The following HDAC9 variants were observed in gnomAD, a reference collection of about 807,000 sequenced individuals.
The protein encoded by HDAC9 is MEF-2 interacting transcription repressor (MITR) protein.
A neutral mutation model predicts 139.4 loss-of-function variants in HDAC9; 41 were observed. The ratio of observed to expected loss-of-function variants is 0.29; its 90% CI spans 0.23 to 0.38. HDAC9 has a LOEUF of 0.38. HDAC9 is among the 10% of genes least tolerant of loss of function. The pLI, the probability that HDAC9 is intolerant of heterozygous loss-of-function variation, is 1.00. For synonymous variants in HDAC9, 517 were observed against 476.2 expected, an observed-to-expected ratio of 1.09 and a Z score of -1.12; for missense variants, 1,147 against 1,297.0, an observed-to-expected ratio of 0.88 and a Z score of 1.78.
intron 1 of HDAC9, among the ~76,000 whole-genome samples, chr7:18,422,682 G>A (rs984091871): frequency 6.6e-6 from 1 of 151,766 alleles, no homozygotes; most frequent in Non-Finnish European, 1.5e-5. Flanking sequence ...TTTGGACTTG[G>A]AGAGAAAAAG....
intron 16 of HDAC9, among the ~76,000 whole-genome samples, chr7:18,786,477 C>CCTTT (rs1791742156): frequency 1.3e-5 from 1 of 76,488 alleles, no homozygotes; most frequent in African/African-American, 4.0e-5. Flanking sequence ...TTTCGTCCTT[C>CCTTT]CTTCCTTTCT....
At chr7:18,760,139 T>G (rs977157670) in intron 14 of HDAC9, among the ~76,000 whole-genome samples, 1 of 152,130 alleles carries the variant, frequency 6.6e-6, no homozygotes, top group African/African-American at 2.4e-5. Flanking sequence ...AAGGAGGAGC[T>G]CGAAGCCCTC....
intron 1 of HDAC9, among the ~76,000 whole-genome samples, chr7:18,382,552 C>T (rs984143816): frequency 1.6e-4 from 25 of 152,296 alleles, no homozygotes; most frequent in Admixed American, 4.6e-4. Flanking sequence ...GCAAGGCCTG[C>T]GCCCATGGAG....
intron 2 of HDAC9, among the ~76,000 whole-genome samples, chr7:18,173,119 A>G (rs1788581152): frequency 2.0e-5 from 3 of 152,154 alleles, no homozygotes; most frequent in Non-Finnish European, 1.5e-5. Flanking sequence ...GACTTGCTTT[A>G]TGAATCTGGG....
intron 2 of HDAC9, among the ~76,000 whole-genome samples, chr7:18,258,830 G>A (rs914690713): frequency 3.3e-5 from 5 of 151,814 alleles, no homozygotes; most frequent in African/African-American, 1.2e-4. Flanking sequence ...CAGTATTTTA[G>A]ACAATGTAAT....
rs189987546 is a variant in HDAC9 at position 18,550,095 on chromosome 7, T to C, written c.23-35186T>C. 3.5e-3 allele frequency among the ~76,000 whole-genome samples: 529 copies of C among 152,298 alleles called. 8 individuals carry two copies. The highest frequency in any genetic ancestry group is 0.014 in the Middle Eastern group (4 of 294). On this transcript the variant is annotated intron_variant, in intron 2 of 25. Transcript: ENST00000686413. Reference sequence around the variant, plus strand: ...TGTCATTATAATTTGGATATATAACTTCTTTGAGAAGTGCAGATCATTTCA... The same window carrying C: ...TGTCATTATAATTTGGATATATAACCTCTTTGAGAAGTGCAGATCATTTCA...
chr7:18,820,390 C>T (rs995604886), intron 17 of HDAC9, among the ~76,000 whole-genome samples: 2 of 152,106 alleles, frequency 1.3e-5, no homozygotes, highest in African/African-American at 4.8e-5. Flanking sequence ...ACTCAGAATT[C>T]GGTGAGAAAA....
At chr7:18,946,224 G>A (rs13308348) in intron 23 of HDAC9, among the ~76,000 whole-genome samples, 1 of 151,950 alleles carries the variant, frequency 6.6e-6, no homozygotes, top group Non-Finnish European at 1.5e-5. Context: ...ATATCTGCTA[G>A]AACAAATCTT....
rs187056139 is a variant in HDAC9, at chr7:18,456,116, G to A, written c.-41-40146G>A. On this transcript the variant is annotated intron_variant, in intron 1 of 3. Coordinates refer to the HDAC9 transcript ENST00000413509. ...AGCACATTTTATTTCCTTGCTGATC[G>A]TATTAGGTAAAATAATTACAGCTGA... Among the ~76,000 whole-genome samples the A allele has an allele frequency of 1.2e-3, 187 of 152,222 alleles. 1 individual carries two copies. Among genetic ancestry groups the A allele is most frequent in the African/African-American group, 4.3e-3 (180 of 41,516 alleles).
intron 1 of HDAC9, among the ~76,000 whole-genome samples, chr7:18,387,914 G>T (rs1475300064): frequency 6.6e-6 from 1 of 150,684 alleles, no homozygotes; most frequent in Non-Finnish European, 1.5e-5. Flanking sequence ...CTTAAAGTAG[G>T]TTACAGAGGA....
At chr7:18,523,149 C>G (rs184701924) in intron 2 of HDAC9, among the ~76,000 whole-genome samples, 48 of 152,236 alleles carry the variant, frequency 3.2e-4, no homozygotes, top group African/African-American at 1.1e-3. Context: ...CACTGCAAAC[C>G]AGGCAGGAGA....
At chr7:18,761,744 T>A (rs1217887660) in intron 14 of HDAC9, among the ~76,000 whole-genome samples, 1 of 152,202 alleles carries the variant, frequency 6.6e-6, no homozygotes, top group African/African-American at 2.4e-5. Context: ...TGGTATTTAT[T>A]TATGTCCTTC....
chr7:18,784,384 AT>A (rs202218621), intron 16 of HDAC9, among the ~76,000 whole-genome samples: 7 of 149,890 alleles, frequency 4.7e-5, no homozygotes, highest in Admixed American at 1.3e-4. Context: ...TAGCTCAAGA[AT>A]TTTTTTTTTA....
intron 1 of HDAC9, among the ~76,000 whole-genome samples, chr7:18,094,962 A>T (rs78580409): frequency 6.6e-6 from 1 of 152,320 alleles, no homozygotes; most frequent in East Asian, 1.9e-4. Context: ...GCATCCAGTC[A>T]TTCTTAAGTC....
At position 18,830,653 on chromosome 7, in the gene HDAC9, G is replaced by A. The variant is rs554675002; in HGVS notation, c.2466+1105G>A. 2.6e-5 allele frequency among the ~76,000 whole-genome samples: 4 copies of A among 152,242 alleles called. No individual in the cohort carries two copies. In the South Asian group the frequency reaches 6.2e-4, roughly 24 times the overall value. On this transcript the variant is annotated intron_variant, in intron 19 of 25. Coordinates refer to ENST00000686413, the MANE Select transcript of HDAC9 (RefSeq NM_178425.4). ...ACGAAGATAAAAGAAATGGAAGAAC[G>A]ATACCCATTTGTTGTGCTTCGTTGC...
chr7:18,569,111 G>T (rs796125651), intron 2 of HDAC9, among the ~76,000 whole-genome samples: 2 of 152,108 alleles, frequency 1.3e-5, no homozygotes, highest in African/African-American at 4.8e-5. Context: ...TCAGGAGTTC[G>T]CAAACTTTCT....
chr7:18,435,927 G>A (rs1791157565), intron 1 of HDAC9, among the ~76,000 whole-genome samples: 1 of 148,060 alleles, frequency 6.8e-6, no homozygotes, highest in South Asian at 2.1e-4. Flanking sequence ...TAAAGAGAGA[G>A]AGAAAGAACT....
Position 18,954,219 on chromosome 7 carries a change from T to C in HDAC9, c.3011T>C (p.Ile1004Thr), listed in dbSNP as rs138163349. ...GCTGTTATTTCTTTACAGAAGATCA[T>C]TGAAATTCAAAGTATGTCTTTAAAG... ...MNAVISLQKI[I>T]EIQSKYWKSV... Residue 1004 changes from isoleucine to threonine, a missense_variant, in exon 24 of 26, where the codon ATT becomes ACT. By Grantham distance (89) the Ile-to-Thr change is moderately conservative. Around this residue, in one of 7 missense-constraint regions of HDAC9, gnomAD observed 407 missense variants for 521.5 expected, o/e 0.78. Transcript: ENST00000686413. 3,817 of 1,517,026 alleles carry C rather than the reference T, an allele frequency of 2.5e-3. 15 individuals carry two copies. The highest frequency in any genetic ancestry group is 2.9e-3 in the Non-Finnish European group (3,186 of 1,107,476). The allele number at this position is 1,517,026 out of a possible 1,614,324, so 94.0% of individuals were successfully genotyped here. A position where few individuals can be genotyped will look rare whatever the true frequency, so the allele number is the denominator to read the frequency against.
chr7:18,128,344 G>T (rs939997635), intron 1 of HDAC9, among the ~76,000 whole-genome samples: 2 of 152,078 alleles, frequency 1.3e-5, no homozygotes, highest in African/African-American at 2.4e-5. Context: ...CAATAAGAAT[G>T]ATAGTTTTGG....
Sources: allele counts gnomAD v4.1 joint callset (sites outside exome capture counted in the v4.1 genomes callset), GRCh38; gene constraint gnomAD v4.1.1; regional missense constraint gnomAD v4.1.1; transcripts MANE v1.5; gene names NCBI Gene and HGNC (gene_info 2026-07-23, HGNC 2026-07-21).